Variants in BOP1 observed in about 807,000 individuals in gnomAD.
BOP1 encodes BOP1 ribosomal biogenesis factor, also known as ribosome biogenesis protein BOP1.
BOP1 carries 54 observed loss-of-function variants against 82.9 expected under a neutral mutation model. That is an observed-to-expected ratio of 0.65 (90% confidence interval 0.52 to 0.82). The LOEUF (loss-of-function observed/expected upper bound fraction) is 0.82. Among genes scored for constraint, BOP1 ranks in the 40% least tolerant of loss-of-function variants. The pLI is 0.00. For synonymous variants in BOP1, 566 were observed against 451.1 expected, an observed-to-expected ratio of 1.25 and a Z score of -3.23; for missense variants, 1,170 against 1,072.0, an observed-to-expected ratio of 1.09 and a Z score of -1.28.
chr8:144,262,074 C>T lies in BOP1; in HGVS notation c.*90G>A, dbSNP rs1308083213. On this transcript the variant is annotated 3_prime_UTR_variant, in exon 16 of 16. Transcript: ENST00000569669. Reference sequence around the variant, plus strand: ...GTGGGGGCGGCTTTGTTGGCAACCCCAATTCAAGAAGGTGGGAGCACCAGG... The same window carrying T: ...GTGGGGGCGGCTTTGTTGGCAACCCTAATTCAAGAAGGTGGGAGCACCAGG... 1.3e-6 allele frequency: 2 copies of T among 1,584,244 alleles called. No individual in the cohort carries two copies. Among genetic ancestry groups the T allele is most frequent in the Non-Finnish European group, 1.7e-6 (2 of 1,162,936 alleles).
rs1815052962 is a variant in BOP1 at position 144,291,057 on chromosome 8, G to A, written c.99+215C>T. On this transcript the variant is annotated intron_variant, in intron 1 of 15. Coordinates refer to ENST00000569669, the MANE Select transcript of BOP1 (RefSeq NM_015201.5). This position sits in a 1 kb window ranked among gnomAD's most constrained non-coding sequence, Gnocchi z 4.1. ...AAGGGGCGCCCCGTCCCCACTCCCCGCTCCCCCGTTTCTTTGCTTCCCGGA... is the reference window on the plus strand; with the variant it reads ...AAGGGGCGCCCCGTCCCCACTCCCCACTCCCCCGTTTCTTTGCTTCCCGGA... 6.8e-6 allele frequency among the ~76,000 whole-genome samples: 1 copy of A among 145,988 alleles called. No homozygotes were observed. The highest frequency in any genetic ancestry group is 1.5e-5 in the Non-Finnish European group (1 of 66,598).
At position 144,265,043 on chromosome 8, in the gene BOP1, G is replaced by A. The variant is rs1204148511; in HGVS notation, c.419C>T (p.Pro140Leu). The change falls in exon 4 of 16, where the codon CCC (proline) becomes CTC (leucine). Residue 140 changes from proline to leucine, a missense_variant. Pro to Leu is a moderately conservative substitution (Grantham distance 98). Coordinates refer to ENST00000569669, the MANE Select transcript of BOP1 (RefSeq NM_015201.5). ...EDIRNTVGNV[P>L]LEWYDDFPHV... The stretch of plus-strand genomic sequence containing the variant: ...GGGGAAGTCATCGTACCACTCCAAG[G>A]GCACGTTGCCCACCGTGTTCCGGAT... 1.2e-6 allele frequency: 2 copies of A among 1,611,736 alleles called. No homozygotes were observed. The highest frequency in any genetic ancestry group is 1.7e-6 in the Non-Finnish European group (2 of 1,179,470).
chr8:144,286,343 G>A (rs1814867914), intron 2 of BOP1, among the ~76,000 whole-genome samples: 1 of 151,724 alleles, frequency 6.6e-6, no homozygotes, highest in Non-Finnish European at 1.5e-5. Flanking sequence ...CGCCATGGCA[G>A]GGCAGGGCCT....
rs1039649326 is a variant in BOP1, at chr8:144,263,621, C to T, written c.1292-11G>A. ...AGCCGTCGTCAGAGCCTGGATGCGG[C>T]AGAGACAGCTCTCAACACCTGGCCA... On this transcript the variant is annotated splice_polypyrimidine_tract_variant and intron_variant, in intron 10 of 15. Transcript: ENST00000569669. The T allele has an allele frequency of 7.6e-5, 122 of 1,608,578 alleles. No homozygotes were observed. The highest frequency in any genetic ancestry group is 1.0e-4 in the Non-Finnish European group (118 of 1,179,428).
intron 3 of BOP1, chr8:144,268,241 G>T (rs1195812000): frequency 2.6e-6 from 4 of 1,514,318 alleles, no homozygotes; most frequent in Middle Eastern, 2.3e-4. Context: ...GCTGGGCAAG[G>T]CCCACCGCAA....
In BOP1 at chr8:144,288,687, A is replaced by C. The variant is rs544704448; in HGVS notation, c.309+408T>G. ...ACCCGTCGGCTGCTCAGGCCCCTGA[A>C]GCCCTGTGGGGTCAGGCCCAGCTGG... is the stretch of plus-strand genomic sequence containing the variant. On this transcript the variant is annotated intron_variant, in intron 2 of 15. Transcript: ENST00000569669. Among the ~76,000 whole-genome samples, 197 of 152,330 alleles carry C rather than the reference A, an allele frequency of 1.3e-3. 1 individual carries two copies. The highest frequency in any genetic ancestry group is 4.4e-3 in the African/African-American group (181 of 41,568).
intron 2 of BOP1, 148 bp from the exon 3 acceptor site, chr8:144,276,452 T>C (rs1845569102): frequency 1.1e-6 from 1 of 924,246 alleles, no homozygotes; most frequent in Non-Finnish European, 1.7e-6. Flanking sequence ...CACCCAGCTC[T>C]AAGGGGGCCT....
rs1554836861 is a variant in BOP1, at chr8:144,263,627, C to G, written c.1292-17G>C. 6.8e-6 allele frequency: 11 copies of G among 1,608,274 alleles called. No individual in the cohort carries two copies. The highest frequency in any genetic ancestry group is 1.1e-5 in the South Asian group (1 of 90,642). ...CGTCAGAGCCTGGATGCGGCAGAGA[C>G]AGCTCTCAACACCTGGCCATCCCAC... On this transcript the variant is annotated splice_polypyrimidine_tract_variant and intron_variant, in intron 10 of 15. Transcript: ENST00000569669.
chr8:144,266,775 GA>G, intron 3 of BOP1: 1 of 1,088,560 alleles, frequency 9.2e-7, no homozygotes, highest in Non-Finnish European at 1.1e-6. Context: ...GCGCCCGGCG[GA>G]GGGCGGGGGG....
intron 2 of BOP1, among the ~76,000 whole-genome samples, chr8:144,288,486 C>A (rs1420251836): frequency 2.0e-5 from 3 of 152,136 alleles, no homozygotes; most frequent in African/African-American, 7.2e-5. Context: ...CAAGATCACA[C>A]CACTGCACTC....
In BOP1 at chr8:144,262,218, G is replaced by A. The variant is rs1223513192; in HGVS notation, c.2187C>T (p.Thr729=). Residue 729 remains threonine, a synonymous_variant, in exon 16 of 16, where the codon ACC becomes ACT. Transcript: ENST00000569669. ...CCCCCGAGGAGAAGACCCACGGCTG[G>A]GTGGGGTGGAAGATGACGTCCAGCA... is the stretch of plus-strand genomic sequence containing the variant. ...LGVLDVIFHP[T]QPWVFSSGAD... 5.6e-6 allele frequency: 9 copies of A among 1,612,582 alleles called. No individual in the cohort carries two copies. The African/African-American group carries it at 1.2e-4, about 22-fold the overall frequency.
chr8:144,278,001 G>T (rs1286607590), intron 2 of BOP1, among the ~76,000 whole-genome samples: 1 of 152,216 alleles, frequency 6.6e-6, no homozygotes, highest in African/African-American at 2.4e-5. Flanking sequence ...GACTCCTGGG[G>T]ACAGGACCCC....
At chr8:144,280,495 C>T (rs587722642) in intron 2 of BOP1, among the ~76,000 whole-genome samples, 77 of 152,404 alleles carry the variant, frequency 5.1e-4, no homozygotes, top group Non-Finnish European at 7.3e-4. Context: ...TTCGCTGAGA[C>T]GCTGGCGGGA....
intron 2 of BOP1, among the ~76,000 whole-genome samples, chr8:144,276,839 GCCA>G (rs1238657477): frequency 6.6e-6 from 1 of 152,170 alleles, no homozygotes; most frequent in Admixed American, 6.5e-5. Flanking sequence ...CATCCCGGGG[GCCA>G]CGTCCCGCCC....
chr8:144,272,782 G>C (rs1845511470), intron 3 of BOP1, among the ~76,000 whole-genome samples: 3 of 152,118 alleles, frequency 2.0e-5, no homozygotes, highest in Non-Finnish European at 4.4e-5. Flanking sequence ...CCTCATCACT[G>C]ACCCCAGGGT....
intron 3 of BOP1, among the ~76,000 whole-genome samples, chr8:144,266,304 GCC>G (rs1196961455): frequency 2.9e-5 from 4 of 138,606 alleles, no homozygotes; most frequent in African/African-American, 1.1e-4. Context: ...GACCAGCCCC[GCC>G]CCCCCCACCC....
intron 2 of BOP1, among the ~76,000 whole-genome samples, chr8:144,281,084 T>C (rs373756740): frequency 7.4e-5 from 11 of 147,826 alleles, no homozygotes; most frequent in East Asian, 2.0e-4. Context: ...TTCGGCCTTC[T>C]CTCACTTTAA....
intron 2 of BOP1, among the ~76,000 whole-genome samples, chr8:144,277,125 G>A (rs909848441): frequency 3.9e-5 from 6 of 152,206 alleles, no homozygotes; most frequent in Non-Finnish European, 4.4e-5. Flanking sequence ...TAAAGTGCTC[G>A]GGCGCAGGAA....
intron 3 of BOP1, among the ~76,000 whole-genome samples, chr8:144,275,471 CGG>C (rs1845555303): frequency 3.6e-5 from 2 of 55,042 alleles, no homozygotes. Flanking sequence ...TCCACGCTGG[CGG>C]AGCCCAGCCC....
Sources: allele counts gnomAD v4.1 joint callset (sites outside exome capture counted in the v4.1 genomes callset), GRCh38; gene constraint gnomAD v4.1.1; non-coding constraint Gnocchi (gnomAD v3.1); transcripts MANE v1.5; gene names NCBI Gene and HGNC (gene_info 2026-07-23, HGNC 2026-07-21).